Variants in CLPTM1 observed in about 807,000 individuals in gnomAD.
CLPTM1 encodes putative lipid scramblase CLPTM1.
A neutral mutation model predicts 77.3 loss-of-function variants in CLPTM1; 21 were observed. That is an observed-to-expected ratio of 0.27 (90% CI 0.19 to 0.39). The LOEUF (loss-of-function observed/expected upper bound fraction) is 0.39, where lower values mean the gene tolerates loss of function less well. Ranked by LOEUF, CLPTM1 falls within the 10% of genes least tolerant of loss-of-function variation. The pLI, the probability that CLPTM1 is intolerant of heterozygous loss-of-function variation, is 1.00. For missense variants in CLPTM1, 642 were observed against 921.2 expected (o/e 0.70, Z 3.92); for synonymous variants, 373 against 381.0 (o/e 0.98, Z 0.24).
intron 7 of CLPTM1, 114 bp from the exon 8 acceptor site, chr19:44,987,065 C>T (rs1056101969): frequency 7.3e-7 from 1 of 1,365,472 alleles, no homozygotes; most frequent in Non-Finnish European, 1.0e-6. Flanking sequence ...GAAATGTCCC[C>T]TGTCCTCCAG....
At chr19:44,963,328 A>AT (rs201566517) in intron 2 of CLPTM1, among the ~76,000 whole-genome samples, 158 of 131,502 alleles carry the variant, frequency 1.2e-3, no homozygotes, top group Admixed American at 1.9e-3. Flanking sequence ...TATTTTATGT[A>AT]TTTTTTTTTT....
intron 4 of CLPTM1, among the ~76,000 whole-genome samples, chr19:44,976,917 G>A (rs73558188): frequency 0.097 from 14,744 of 152,236 alleles, 1,201 homozygotes; most frequent in African/African-American, 0.23. Context: ...TTAGGAAGCT[G>A]TTGTCTGAAG....
Position 44,991,154 on chromosome 19 carries a change from C to A in CLPTM1, c.1420-84C>A. 2 of 1,589,254 alleles carry A rather than the reference C, an allele frequency of 1.3e-6. No homozygotes were observed. The highest frequency in any genetic ancestry group is 1.7e-6 in the Non-Finnish European group (2 of 1,165,330). Reference sequence around the variant, plus strand: ...ATTCCCCCTGCCCGGCCTGCCAGACCAGGTGTGGTGGGTGAGGGCGGGGAG... The same window carrying A: ...ATTCCCCCTGCCCGGCCTGCCAGACAAGGTGTGGTGGGTGAGGGCGGGGAG... On this transcript the variant is annotated intron_variant, in intron 11 of 13. Coordinates refer to ENST00000337392, the MANE Select transcript of CLPTM1 (RefSeq NM_001294.4). The surrounding 1 kb of genome is among the most constrained non-coding windows in gnomAD (Gnocchi z 5.4).
At chr19:44,955,092 T>A, upstream of CLPTM1, 2 of 1,535,680 alleles carry the variant, frequency 1.3e-6, no homozygotes, top group Non-Finnish European at 1.7e-6. Context: ...AAAGGCGGGT[T>A]AATGTGAAGG....
At chr19:44,976,423 T>C (rs907235232) in intron 4 of CLPTM1, among the ~76,000 whole-genome samples, 4 of 152,184 alleles carry the variant, frequency 2.6e-5, no homozygotes, top group African/African-American at 9.7e-5. Context: ...AGTTTAAGAC[T>C]GTAGTGTGCC....
chr19:44,988,704 A>G (rs923772481), intron 9 of CLPTM1, among the ~76,000 whole-genome samples: 4 of 152,250 alleles, frequency 2.6e-5, no homozygotes, highest in Admixed American at 2.0e-4. Context: ...CCAGAGGCTC[A>G]GGGATGTCAC....
intron 9 of CLPTM1, among the ~76,000 whole-genome samples, chr19:44,989,028 T>A (rs1971027410): frequency 6.6e-6 from 1 of 152,128 alleles, no homozygotes; most frequent in Non-Finnish European, 1.5e-5. Flanking sequence ...CAATTTTTTT[T>A]AAGAATTAGC....
chr19:44,964,796 CTCTT>C (rs1418050020), intron 2 of CLPTM1, among the ~76,000 whole-genome samples: 1 of 152,206 alleles, frequency 6.6e-6, no homozygotes, highest in Non-Finnish European at 1.5e-5. Context: ...TTTCCTGTCT[CTCTT>C]TCACTACTCT....
chr19:44,988,399 T>A (rs1054158566), intron 9 of CLPTM1, among the ~76,000 whole-genome samples: 5 of 152,134 alleles, frequency 3.3e-5, no homozygotes, highest in Non-Finnish European at 7.4e-5. Flanking sequence ...GGCCCGCTGG[T>A]GGGGCAGAGG....
intron 2 of CLPTM1, 39 bp downstream of exon 2, chr19:44,962,114 T>G: frequency 8.0e-7 from 1 of 1,246,994 alleles, no homozygotes. Context: ...CCGAAAACAT[T>G]CAAATAAAAA....
At chr19:44,957,182 C>T (rs1210468142) in intron 1 of CLPTM1, among the ~76,000 whole-genome samples, 1 of 152,232 alleles carries the variant, frequency 6.6e-6, no homozygotes, top group Non-Finnish European at 1.5e-5. Context: ...TCTTTTATTG[C>T]CTCTCAGTCT....
chr19:44,985,935 G>A (rs1301448663), intron 6 of CLPTM1, among the ~76,000 whole-genome samples: 1 of 152,140 alleles, frequency 6.6e-6, no homozygotes, highest in Non-Finnish European at 1.5e-5. Flanking sequence ...CCTCTACCTC[G>A]GTTTTCTACA....
At chr19:44,983,219 C>T (rs553723030) in intron 5 of CLPTM1, among the ~76,000 whole-genome samples, 1 of 152,138 alleles carries the variant, frequency 6.6e-6, no homozygotes, top group Admixed American at 6.5e-5. Context: ...CCAGAGCCCC[C>T]GCTGTTGGCC....
chr19:44,956,039 G>C (rs2238683), intron 1 of CLPTM1, among the ~76,000 whole-genome samples: 8 of 152,180 alleles, frequency 5.3e-5, no homozygotes, highest in African/African-American at 1.9e-4. Flanking sequence ...GTATGGTTGT[G>C]GTTTTAATGT....
At chr19:44,970,455 AGTGGCATGATC>A (rs141408713) in intron 2 of CLPTM1, among the ~76,000 whole-genome samples, 78,331 of 137,520 alleles carry the variant, frequency 0.57, 24,979 homozygotes, top group South Asian at 0.67. Flanking sequence ...GCTGGAGTGC[AGTGGCATGATC>A]GTGGTTCACT....
intron 4 of CLPTM1, among the ~76,000 whole-genome samples, chr19:44,974,955 G>T (rs149416566): frequency 1.3e-5 from 2 of 152,328 alleles, no homozygotes; most frequent in East Asian, 3.9e-4. Context: ...AATGTTGATT[G>T]AGCTAAGTGC....
Position 44,987,179 on chromosome 19 carries a change from A to G in CLPTM1, c.794A>G (p.Tyr265Cys). The G allele has an allele frequency of 6.2e-7, 1 of 1,607,894 alleles. No homozygotes were observed. The highest frequency in any genetic ancestry group is 8.5e-7 in the Non-Finnish European group (1 of 1,175,112). Residue 265 changes from tyrosine (Y) to cysteine (C), a missense_variant and splice_region_variant, in exon 8 of 14, where the codon TAT becomes TGT. Coordinates refer to ENST00000337392, the MANE Select transcript of CLPTM1 (RefSeq NM_001294.4). Reference protein sequence around the residue: ...KGSVPPPLDQYVKFDAVSGDY... With the variant: ...KGSVPPPLDQCVKFDAVSGDY... The stretch of plus-strand genomic sequence containing the variant: ...GGTGCCCCTGCCCCACGTGCTGCAG[A>G]TGTGAAGTTCGACGCCGTGAGCGGT...
chr19:44,969,465 C>T (rs1970684542), intron 2 of CLPTM1, among the ~76,000 whole-genome samples: 1 of 152,152 alleles, frequency 6.6e-6, no homozygotes, highest in Non-Finnish European at 1.5e-5. Flanking sequence ...TAACACAGTA[C>T]AGGTTCATTT....
chr19:44,981,368 C>T (rs573096618), intron 5 of CLPTM1, among the ~76,000 whole-genome samples: 5 of 152,136 alleles, frequency 3.3e-5, no homozygotes, highest in African/African-American at 1.2e-4. Flanking sequence ...CTCGAACTCC[C>T]GACCTCAGGG....
Sources: gnomAD v4.1 joint callset for allele counts (sites outside exome capture counted in the v4.1 genomes callset) on GRCh38, gnomAD v4.1.1 for gene constraint, Gnocchi (gnomAD v3.1) non-coding constraint, MANE v1.5 for transcripts, NCBI Gene and HGNC (gene_info 2026-07-23, HGNC 2026-07-21) for gene names.